STXBP5L: variants seen among roughly 807,000 people sequenced by gnomAD.
STXBP5L encodes the protein syntaxin binding protein 5L.
In STXBP5L, 65 loss-of-function variants were observed where a neutral mutation model predicts 144.5. That is an observed-to-expected ratio of 0.45 (90% CI 0.37 to 0.55). STXBP5L has a LOEUF of 0.55. Among genes scored for constraint, STXBP5L ranks in the 20% least tolerant of loss-of-function variants. STXBP5L has a pLI of 0.00. For synonymous variants in STXBP5L, 505 were observed against 469.6 expected (o/e 1.08, Z -0.97); for missense variants, 1,298 against 1,405.5 (o/e 0.92, Z 1.22).
chr3:121,287,626 C>T (rs1427672421), intron 19 of STXBP5L, among the ~76,000 whole-genome samples: 17 of 151,800 alleles, frequency 1.1e-4, no homozygotes, highest in Non-Finnish European at 1.8e-4. Context: ...GTCAGGGGTT[C>T]GAGACCAGCC....
chr3:121,421,541 T>A lies in STXBP5L; in HGVS notation c.*2444T>A, dbSNP rs147781917. On this transcript the variant is annotated 3_prime_UTR_variant, in exon 27 of 27. Transcript: ENST00000471454. Reference sequence around the variant, plus strand: ...CACTATTCTACATCATACAAAGAGGTAGATTGTGTGAATATGTAATATATG... The same window carrying A: ...CACTATTCTACATCATACAAAGAGGAAGATTGTGTGAATATGTAATATATG... 23 of 152,294 alleles carry A rather than the reference T, an allele frequency of 1.5e-4. No individual in the cohort carries two copies. The highest frequency in any genetic ancestry group is 4.8e-4 in the African/African-American group (20 of 41,568). 9.4% of individuals were successfully genotyped at this position (152,294 alleles called of 1,614,324 possible).
intron 22 of STXBP5L, among the ~76,000 whole-genome samples, chr3:121,397,663 G>A (rs935278953): frequency 6.6e-6 from 1 of 152,068 alleles, no homozygotes; most frequent in African/African-American, 2.4e-5. Context: ...CCCATTTCAT[G>A]CATTATATGT....
At chr3:121,406,010 G>A (rs1195300390) in intron 22 of STXBP5L, among the ~76,000 whole-genome samples, 1 of 152,054 alleles carries the variant, frequency 6.6e-6, no homozygotes, top group Non-Finnish European at 1.5e-5. Context: ...TCTATGGCAG[G>A]TAGTTAGGAA....
chr3:121,247,955 C>G (rs950961339), intron 14 of STXBP5L, among the ~76,000 whole-genome samples: 2 of 152,230 alleles, frequency 1.3e-5, no homozygotes, highest in Non-Finnish European at 1.5e-5. Context: ...TAAGCATTCT[C>G]TTTTCTCTGC....
intron 9 of STXBP5L, among the ~76,000 whole-genome samples, chr3:121,191,579 T>C (rs1391079459): frequency 1.3e-5 from 2 of 152,000 alleles, no homozygotes; most frequent in Non-Finnish European, 2.9e-5. Flanking sequence ...ATAGTTTTTT[T>C]TTCCAATTCT....
At chr3:120,986,136 T>C (rs1247880071) in intron 3 of STXBP5L, among the ~76,000 whole-genome samples, 5 of 152,014 alleles carry the variant, frequency 3.3e-5, no homozygotes. Flanking sequence ...CCTTCATATT[T>C]CTTCTTTGAT....
intron 5 of STXBP5L, among the ~76,000 whole-genome samples, chr3:121,090,864 G>C (rs779265037): frequency 6.6e-6 from 1 of 151,792 alleles, no homozygotes; most frequent in African/African-American, 2.4e-5. Context: ...TGACATGCTG[G>C]TGTGCTGCAC....
intron 9 of STXBP5L, among the ~76,000 whole-genome samples, chr3:121,181,037 T>A (rs142787126): frequency 6.9e-4 from 104 of 151,594 alleles, no homozygotes; most frequent in African/African-American, 2.3e-3. Flanking sequence ...TAACATTGAA[T>A]GTAAATGGCC....
intron 20 of STXBP5L, among the ~76,000 whole-genome samples, chr3:121,320,728 G>A (rs1336019599): frequency 2.8e-5 from 4 of 145,302 alleles, no homozygotes; most frequent in Admixed American, 2.7e-4. Context: ...TTTAGACGGA[G>A]TCTTGCTCTG....
chr3:121,096,221 T>A (rs1308071894), intron 5 of STXBP5L, among the ~76,000 whole-genome samples: 2 of 152,204 alleles, frequency 1.3e-5, no homozygotes, highest in Non-Finnish European at 2.9e-5. Flanking sequence ...CTGGAGCTGT[T>A]CATATTTGGC....
At chr3:120,992,308 A>G (rs1418077476) in intron 3 of STXBP5L, among the ~76,000 whole-genome samples, 1 of 152,140 alleles carries the variant, frequency 6.6e-6, no homozygotes, top group Admixed American at 6.6e-5. Flanking sequence ...GGAACATTTT[A>G]AGTCCTGTCT....
intron 5 of STXBP5L, among the ~76,000 whole-genome samples, chr3:121,076,438 C>G (rs1012307686): frequency 6.6e-6 from 1 of 152,102 alleles, no homozygotes; most frequent in African/African-American, 2.4e-5. Flanking sequence ...TTTCTGATGC[C>G]TTGCAGTCTC....
intron 8 of STXBP5L, among the ~76,000 whole-genome samples, chr3:121,155,336 G>A (rs1366661614): frequency 6.6e-6 from 1 of 151,712 alleles, no homozygotes; most frequent in Non-Finnish European, 1.5e-5. Flanking sequence ...TTCTCATCAT[G>A]AACTGCCTTC....
At chr3:120,916,929 G>C (rs183530907) in intron 2 of STXBP5L, among the ~76,000 whole-genome samples, 25 of 152,256 alleles carry the variant, frequency 1.6e-4, no homozygotes, top group Admixed American at 6.5e-4. Flanking sequence ...AACTGTAAAA[G>C]TTTGAAAATT....
chr3:121,091,756 C>T (rs560726936), intron 5 of STXBP5L, among the ~76,000 whole-genome samples: 2 of 152,282 alleles, frequency 1.3e-5, no homozygotes, highest in African/African-American at 4.8e-5. Flanking sequence ...GTTTCCTTTG[C>T]TGTGCAGAAG....
intron 5 of STXBP5L, among the ~76,000 whole-genome samples, chr3:121,086,009 A>T (rs746142037): frequency 1.3e-5 from 2 of 152,184 alleles, no homozygotes; most frequent in African/African-American, 2.4e-5. Context: ...TCTCAGAAAT[A>T]AGACCACACA....
chr3:121,289,095 G>C (rs978238338), intron 19 of STXBP5L, among the ~76,000 whole-genome samples: 1 of 152,090 alleles, frequency 6.6e-6, no homozygotes, highest in Non-Finnish European at 1.5e-5. Flanking sequence ...CCAAGTATCT[G>C]TTCCCCTTCA....
At chr3:121,369,029 C>T (rs749963413) in intron 20 of STXBP5L, among the ~76,000 whole-genome samples, 2 of 152,126 alleles carry the variant, frequency 1.3e-5, no homozygotes, top group Non-Finnish European at 2.9e-5. Flanking sequence ...ACACAAATCC[C>T]TGATTTTTTA....
intron 19 of STXBP5L, among the ~76,000 whole-genome samples, chr3:121,315,287 A>C (rs2108523925): frequency 6.6e-6 from 1 of 152,274 alleles, no homozygotes; most frequent in African/African-American, 2.4e-5. Context: ...CATATACACC[A>C]TGGAATACTA....
Sources: gnomAD v4.1 joint callset for allele counts (sites outside exome capture counted in the v4.1 genomes callset) on GRCh38, gnomAD v4.1.1 for gene constraint, MANE v1.5 for transcripts, NCBI Gene and HGNC (gene_info 2026-07-23, HGNC 2026-07-21) for gene names.